The following ATE1 variants were observed in gnomAD, a reference collection of about 807,000 sequenced individuals.
ATE1 encodes the protein arginyltransferase 1.
A neutral mutation model predicts 70.5 loss-of-function variants in ATE1; 36 were observed. The ratio of observed to expected loss-of-function variants is 0.51; its 90% CI spans 0.39 to 0.67. The LOEUF is 0.67. Among genes scored for constraint, ATE1 ranks in the 30% least tolerant of loss-of-function variants. The pLI is 0.00. For missense variants in ATE1, 593 were observed against 629.5 expected (o/e 0.94, Z 0.62); for synonymous variants, 232 against 219.3 (o/e 1.06, Z -0.51).
chr10:121,876,217 T>C (rs535048458), intron 7 of ATE1, among the ~76,000 whole-genome samples: 38 of 152,346 alleles, frequency 2.5e-4, no homozygotes, highest in Admixed American at 1.4e-3. Flanking sequence ...TGAAAAATTC[T>C]AGTATCTGCC....
chr10:121,769,561 A>G (rs1439477480), intron 11 of ATE1, among the ~76,000 whole-genome samples: 1 of 152,242 alleles, frequency 6.6e-6, no homozygotes, highest in African/African-American at 2.4e-5. Context: ...CCTAGACTTC[A>G]TTAAAATTGG....
rs1017811581 is a variant in ATE1, at chr10:121,836,923, T to C, written c.1158-106A>G. On this transcript the variant is annotated intron_variant, in intron 9 of 11. Transcript: ENST00000224652. ...CATTTGATAAAATCTGGTATTAAGC[T>C]ATCAAAAAATTACAAATATTGAAAG... The C allele has an allele frequency of 3.2e-5, 22 of 690,062 alleles. 2 individuals are homozygous for C. In the South Asian group the frequency reaches 4.1e-4, roughly 13 times the overall value. The allele number at this position is 690,062 out of a possible 1,614,324, so 42.7% of individuals were successfully genotyped here. A position where few individuals can be genotyped will look rare whatever the true frequency, so the allele number is the denominator to read the frequency against.
In ATE1 at chr10:121,743,296, T is replaced by C. The variant is rs1295054806; in HGVS notation, c.*384A>G. On this transcript the variant is annotated 3_prime_UTR_variant, in exon 12 of 12. Transcript: ENST00000224652. Reference sequence around the variant, plus strand: ...TTCCTAGCATAAGTTCAGTTTAAAATGGGCCTGAGGAAACAGTCTGTTTTA... The same window carrying C: ...TTCCTAGCATAAGTTCAGTTTAAAACGGGCCTGAGGAAACAGTCTGTTTTA... 2 of 158,514 alleles carry C rather than the reference T, an allele frequency of 1.3e-5. No homozygotes were observed. The highest frequency in any genetic ancestry group is 6.4e-5 in the Admixed American group (1 of 15,592). The allele number at this position is 158,514 out of a possible 1,614,324, so 9.8% of individuals were successfully genotyped here. A position where few individuals can be genotyped will look rare whatever the true frequency, so the allele number is the denominator to read the frequency against.
chr10:121,796,160 G>C (rs1004268870), intron 10 of ATE1, among the ~76,000 whole-genome samples: 5 of 152,042 alleles, frequency 3.3e-5, no homozygotes, highest in African/African-American at 1.2e-4. Context: ...GACATCCTTT[G>C]CAAGTCCTCA....
intron 11 of ATE1, among the ~76,000 whole-genome samples, chr10:121,769,996 T>C (rs2135864461): frequency 6.6e-6 from 1 of 152,340 alleles, no homozygotes; most frequent in African/African-American, 2.4e-5. Flanking sequence ...ACCCAGTAAC[T>C]GTACTGCTGG....
At chr10:121,837,715 T>G (rs1948480063) in intron 9 of ATE1, among the ~76,000 whole-genome samples, 1 of 152,222 alleles carries the variant, frequency 6.6e-6, no homozygotes, top group African/African-American at 2.4e-5. Context: ...TAAGAATTCA[T>G]TTTTAAATTA....
At chr10:121,838,809 A>G (rs546584737) in intron 9 of ATE1, among the ~76,000 whole-genome samples, 2 of 152,178 alleles carry the variant, frequency 1.3e-5, no homozygotes, top group Non-Finnish European at 2.9e-5. Flanking sequence ...AACAATTCTT[A>G]TATCTACAGG....
At chr10:121,853,865 T>G (rs893245200) in intron 8 of ATE1, among the ~76,000 whole-genome samples, 5 of 152,324 alleles carry the variant, frequency 3.3e-5, no homozygotes, top group South Asian at 2.1e-4. Flanking sequence ...GGTTTGTTAC[T>G]CATAAATGGT....
At chr10:121,855,508 T>C (rs1181224528) in intron 8 of ATE1, among the ~76,000 whole-genome samples, 1 of 152,210 alleles carries the variant, frequency 6.6e-6, no homozygotes, top group Non-Finnish European at 1.5e-5. Flanking sequence ...TTACTTGTGA[T>C]CTATAGCTAA....
At chr10:121,886,626 T>C (rs1051759522) in intron 7 of ATE1, among the ~76,000 whole-genome samples, 5 of 152,242 alleles carry the variant, frequency 3.3e-5, no homozygotes, top group African/African-American at 1.2e-4. Flanking sequence ...CTTAAATGTA[T>C]GTATAGCTCA....
At chr10:121,863,176 G>A (rs187727311) in intron 8 of ATE1, among the ~76,000 whole-genome samples, 22 of 151,174 alleles carry the variant, frequency 1.5e-4, no homozygotes, top group Admixed American at 1.4e-3. Context: ...TCAAATTACT[G>A]CATATTCATT....
At chr10:121,896,874 A>T (rs913426466) in intron 7 of ATE1, among the ~76,000 whole-genome samples, 46 of 150,216 alleles carry the variant, frequency 3.1e-4, no homozygotes, top group Non-Finnish European at 6.6e-4. Context: ...TTACCTCCTA[A>T]CAGGTACTCT....
At position 121,889,096 on chromosome 10, in the gene ATE1, C is replaced by T. The variant is rs190051907; in HGVS notation, c.942+10770G>A. Among the ~76,000 whole-genome samples, 6 of 152,214 alleles carry T rather than the reference C, an allele frequency of 3.9e-5. No individual in the cohort carries two copies. In the East Asian group the frequency reaches 1.2e-3, roughly 29 times the overall value. ...TGGCACCATCTCAGCTCACGGCAAC[C>T]TCTGCGTCCTGGGTTTAAGCGATTT... On this transcript the variant is annotated intron_variant, in intron 7 of 11. Transcript: ENST00000224652.
chr10:121,851,158 C>T (rs1949042500), intron 8 of ATE1, among the ~76,000 whole-genome samples: 1 of 139,426 alleles, frequency 7.2e-6, no homozygotes, highest in South Asian at 2.4e-4. Context: ...TGGTGGCTCA[C>T]AGCTGTAATC....
At chr10:121,759,848 A>G (rs1202554108) in intron 11 of ATE1, among the ~76,000 whole-genome samples, 1 of 152,226 alleles carries the variant, frequency 6.6e-6, no homozygotes, top group Admixed American at 6.5e-5. Context: ...GAGATTTTCA[A>G]TGCAGATGAA....
In ATE1 at chr10:121,845,351, T is replaced by C. The variant is rs79305050; in HGVS notation, c.976-4088A>G. On this transcript the variant is annotated intron_variant, in intron 8 of 11. Coordinates refer to ENST00000224652, the MANE Select transcript of ATE1 (RefSeq NM_001001976.3). Reference sequence around the variant, plus strand: ...TGATATTGCAGCAATAACAGATCAGTAAAAACCCACAGAACATTACAACAC... The same window carrying C: ...TGATATTGCAGCAATAACAGATCAGCAAAAACCCACAGAACATTACAACAC... Among the ~76,000 whole-genome samples the C allele has an allele frequency of 4.6e-4, 70 of 152,276 alleles. No homozygotes were observed. The East Asian group carries it at 0.013, about 28-fold the overall frequency.
chr10:121,850,218 A>G (rs1159312477), intron 8 of ATE1, among the ~76,000 whole-genome samples: 1 of 152,226 alleles, frequency 6.6e-6, no homozygotes, highest in African/African-American at 2.4e-5. Context: ...AACACAGAGA[A>G]GCTCGAAAAC....
At chr10:121,779,876 AATCTGACACTGT>A (rs1396602180) in intron 11 of ATE1, among the ~76,000 whole-genome samples, 1 of 152,200 alleles carries the variant, frequency 6.6e-6, no homozygotes, top group Non-Finnish European at 1.5e-5. Context: ...CTCTCAGCAG[AATCTGACACTGT>A]CACTGCTTCC....
intron 1 of ATE1, 120 bp from the exon 2 acceptor site, chr10:121,924,449 C>T: frequency 2.2e-6 from 2 of 925,792 alleles, no homozygotes; most frequent in Non-Finnish European, 1.7e-6. Flanking sequence ...GCCTGTAATC[C>T]CAGCACTCTG....
Sources: gnomAD v4.1 joint callset for allele counts (sites outside exome capture counted in the v4.1 genomes callset) on GRCh38, gnomAD v4.1.1 for gene constraint, MANE v1.5 for transcripts, NCBI Gene and HGNC (gene_info 2026-07-23, HGNC 2026-07-21) for gene names.